The following NBEA variants were observed in gnomAD, a reference collection of about 807,000 sequenced individuals.
NBEA encodes the protein neurobeachin.
NBEA carries 44 observed loss-of-function variants against 343.4 expected under a neutral mutation model. The observed-to-expected ratio is 0.13, with a 90% confidence interval of 0.10 to 0.16. The LOEUF is 0.16. NBEA is among the 10% of genes least tolerant of loss of function. NBEA has a pLI of 1.00. For synonymous variants in NBEA, 1,175 were observed against 1,238.7 expected, an observed-to-expected ratio of 0.95 and a Z score of 1.08; for missense variants, 2,555 against 3,631.3, an observed-to-expected ratio of 0.70 and a Z score of 7.62.
chr13:35,407,279 T>C (rs529328058), intron 38 of NBEA, among the ~76,000 whole-genome samples: 221 of 152,150 alleles, frequency 1.5e-3, no homozygotes, highest in Non-Finnish European at 2.7e-3. Context: ...TTTTTTCATC[T>C]GTGGTTATCA....
In NBEA at chr13:34,995,136, C is replaced by A. The variant is rs2060893795; in HGVS notation, c.295-45797C>A. 5.3e-5 allele frequency among the ~76,000 whole-genome samples: 8 copies of A among 151,986 alleles called. No individual in the cohort carries two copies. The South Asian group carries it at 1.7e-3, about 32-fold the overall frequency. ...GCCCATTTTCCACAACTAGGTAAAC[C>A]AAGTAAGCATTAAGGATATTAAAAA... On this transcript the variant is annotated intron_variant, in intron 1 of 58. Transcript: ENST00000379939.
chr13:35,486,952 A>G (rs1566208232), intron 41 of NBEA, among the ~76,000 whole-genome samples: 1 of 151,990 alleles, frequency 6.6e-6, no homozygotes, highest in Non-Finnish European at 1.5e-5. Flanking sequence ...ACCTTTATAA[A>G]TGTGATGAGG....
chr13:34,981,205 T>C (rs1423472703), intron 1 of NBEA, among the ~76,000 whole-genome samples: 1 of 152,208 alleles, frequency 6.6e-6, no homozygotes, highest in Non-Finnish European at 1.5e-5. Flanking sequence ...TGTGACTTAG[T>C]ATAACATTTT....
chr13:35,186,865 C>A (rs1261406443), intron 30 of NBEA, among the ~76,000 whole-genome samples: 1 of 151,966 alleles, frequency 6.6e-6, no homozygotes, highest in Non-Finnish European at 1.5e-5. Context: ...CAACACAGGC[C>A]ATTTTTATAA....
At chr13:35,044,145 C>G (rs1489282083) in intron 2 of NBEA, among the ~76,000 whole-genome samples, 1 of 152,098 alleles carries the variant, frequency 6.6e-6, no homozygotes, top group Non-Finnish European at 1.5e-5. Context: ...AACACTCACA[C>G]TAGCATGATG....
chr13:35,260,272 G>A (rs1424067640), intron 34 of NBEA, among the ~76,000 whole-genome samples: 1 of 152,178 alleles, frequency 6.6e-6, no homozygotes, highest in Non-Finnish European at 1.5e-5. Context: ...GTGACATAGT[G>A]TTTTGAAAGA....
At chr13:35,109,483 T>C (rs2066077593) in intron 12 of NBEA, 41 bp downstream of exon 12, 3 of 1,497,018 alleles carry the variant, frequency 2.0e-6, no homozygotes, top group Non-Finnish European at 2.7e-6. Flanking sequence ...TAGTGTAATG[T>C]TATACATTAT....
At chr13:35,370,782 T>G (rs1293688310) in intron 38 of NBEA, among the ~76,000 whole-genome samples, 1 of 152,134 alleles carries the variant, frequency 6.6e-6, no homozygotes, top group Non-Finnish European at 1.5e-5. Context: ...TAGGACTCCC[T>G]TAAGTATTTC....
rs190118929 is a variant in NBEA, at chr13:35,177,041, C to T, written c.4600C>T (p.Pro1534Ser). ...VPGNLSPIKD[P>S]DRLLQDVDIN... Reference sequence around the variant, plus strand: ...AGGTAACCTTTCTCCTATTAAGGATCCGGATAGACTTCTTCAGGATGTTGA... The same window carrying T: ...AGGTAACCTTTCTCCTATTAAGGATTCGGATAGACTTCTTCAGGATGTTGA... The change falls in exon 28 of 59, where the codon CCG becomes TCG. Residue 1534 changes from proline (P) to serine (S), a missense_variant. Transcript: ENST00000379939. The T allele has an allele frequency of 1.6e-5, 26 of 1,605,552 alleles. No homozygotes were observed. Among genetic ancestry groups the T allele is most frequent in the Non-Finnish European group, 2.2e-5 (26 of 1,175,322 alleles).
intron 33 of NBEA, among the ~76,000 whole-genome samples, chr13:35,228,846 C>T (rs112299713): frequency 0.089 from 13,460 of 151,950 alleles, 837 homozygotes; most frequent in Non-Finnish European, 0.14. Flanking sequence ...AAATTGTATG[C>T]TTTTCAAACC....
intron 34 of NBEA, among the ~76,000 whole-genome samples, chr13:35,284,015 C>CAT (rs1555355328): frequency 1.3e-5 from 2 of 150,128 alleles, no homozygotes; most frequent in African/African-American, 4.9e-5. Flanking sequence ...CACACACACA[C>CAT]CACACAGATG....
At chr13:35,532,392 G>T (rs565368538) in intron 41 of NBEA, among the ~76,000 whole-genome samples, 1 of 151,650 alleles carries the variant, frequency 6.6e-6, no homozygotes. Context: ...AGAAAAAGGG[G>T]TATTTTTCCA....
Position 35,407,395 on chromosome 13 carries a change from A to AT in NBEA, c.6180-24866dup, listed in dbSNP as rs571415287. On this transcript the variant is annotated intron_variant, in intron 38 of 58. Transcript: ENST00000379939. ...CCAAGAGACAAAAAGCAACAGCTAA[A>AT]TTTTTTTTGTTCTTAAAAAAACTGC... Among the ~76,000 whole-genome samples, 21 of 151,988 alleles carry AT rather than the reference A, an allele frequency of 1.4e-4. No homozygotes were observed. The South Asian group carries it at 3.9e-3, about 29-fold the overall frequency.
intron 48 of NBEA, among the ~76,000 whole-genome samples, chr13:35,613,115 A>G (rs2082595075): frequency 6.7e-6 from 1 of 149,786 alleles, no homozygotes; most frequent in African/African-American, 2.4e-5. Context: ...ATAATTAACT[A>G]CAGTCACTTT....
intron 38 of NBEA, among the ~76,000 whole-genome samples, chr13:35,419,035 A>G (rs772127235): frequency 1.3e-5 from 2 of 152,024 alleles, no homozygotes; most frequent in Non-Finnish European, 2.9e-5. Context: ...AAGATTTTAT[A>G]CAATATTTTT....
At chr13:35,515,409 C>A (rs745787999) in intron 41 of NBEA, among the ~76,000 whole-genome samples, 2 of 152,166 alleles carry the variant, frequency 1.3e-5, no homozygotes, top group Non-Finnish European at 2.9e-5. Flanking sequence ...TATCAAAATA[C>A]ACATAATGAC....
intron 29 of NBEA, among the ~76,000 whole-genome samples, chr13:35,182,902 A>C (rs1472800768): frequency 1.3e-5 from 2 of 152,024 alleles, no homozygotes; most frequent in Non-Finnish European, 2.9e-5. Context: ...AGGGTAAGCC[A>C]AAATACAAAT....
chr13:35,541,437 C>A (rs2078818947), intron 41 of NBEA, among the ~76,000 whole-genome samples: 1 of 151,940 alleles, frequency 6.6e-6, no homozygotes, highest in Non-Finnish European at 1.5e-5. Flanking sequence ...ACCATGAGGA[C>A]ACTTGGTAGA....
chr13:35,066,892 T>C (rs918785855), intron 8 of NBEA, among the ~76,000 whole-genome samples: 9 of 152,038 alleles, frequency 5.9e-5, no homozygotes, highest in African/African-American at 2.2e-4. Context: ...GCTTATTTTC[T>C]TATATAGCAT....
Sources: gnomAD v4.1 joint callset for allele counts (sites outside exome capture counted in the v4.1 genomes callset) on GRCh38, gnomAD v4.1.1 for gene constraint, MANE v1.5 for transcripts, NCBI Gene and HGNC (gene_info 2026-07-23, HGNC 2026-07-21) for gene names.